BBX: variants seen among roughly 807,000 people sequenced by gnomAD.
BBX encodes HMG box transcription factor BBX.
A neutral mutation model predicts 100.2 loss-of-function variants in BBX; 30 were observed. The ratio of observed to expected loss-of-function variants is 0.30; its 90% CI spans 0.22 to 0.41. BBX has a LOEUF of 0.41. BBX is among the 10% of genes least tolerant of loss of function. The pLI is 1.00. For missense variants in BBX, 1,023 were observed against 1,129.8 expected (o/e 0.91, Z 1.35); for synonymous variants, 376 against 388.1 (o/e 0.97, Z 0.37).
intron 11 of BBX, among the ~76,000 whole-genome samples, 154 bp from the exon 12 acceptor site, chr3:107,774,565 C>A (rs557360832): frequency 1.3e-5 from 2 of 152,254 alleles, no homozygotes; most frequent in South Asian, 2.1e-4. Flanking sequence ...TAAAGATGGT[C>A]CAGCATGAAT....
intron 2 of BBX, among the ~76,000 whole-genome samples, chr3:107,606,578 A>G (rs1020537377): frequency 2.0e-5 from 3 of 152,172 alleles, no homozygotes; most frequent in Non-Finnish European, 2.9e-5. Context: ...CCTATTTTGT[A>G]GAATATTTTA....
At chr3:107,557,542 A>G (rs922949067) in intron 2 of BBX, among the ~76,000 whole-genome samples, 1 of 152,250 alleles carries the variant, frequency 6.6e-6, no homozygotes. Flanking sequence ...TCTATTTTAT[A>G]GTAAGGTCTT....
intron 2 of BBX, among the ~76,000 whole-genome samples, chr3:107,622,950 A>G (rs953413512): frequency 1.3e-5 from 2 of 152,142 alleles, no homozygotes; most frequent in African/African-American, 4.8e-5. Flanking sequence ...TTTGCCACCC[A>G]ATGGCCAGTT....
chr3:107,796,340 C>T (rs181234604), intron 15 of BBX, among the ~76,000 whole-genome samples: 28 of 152,294 alleles, frequency 1.8e-4, no homozygotes, highest in African/African-American at 6.7e-4. Flanking sequence ...TATGATACAC[C>T]TTTCCATCTT....
intron 2 of BBX, among the ~76,000 whole-genome samples, chr3:107,530,938 C>T (rs919105101): frequency 6.6e-6 from 1 of 152,196 alleles, no homozygotes; most frequent in Admixed American, 6.5e-5. Flanking sequence ...AAACACTGGC[C>T]TAGAGTGCCT....
intron 15 of BBX, 29 bp from the exon 16 acceptor site, chr3:107,798,494 A>G: frequency 6.2e-7 from 1 of 1,604,074 alleles, no homozygotes; most frequent in Non-Finnish European, 8.5e-7. Context: ...GTTTTTGTGC[A>G]TAACTATGCA....
intron 7 of BBX, 114 bp downstream of exon 7, chr3:107,733,137 CTT>C (rs2063414375): frequency 2.4e-6 from 2 of 844,106 alleles, no homozygotes; most frequent in Non-Finnish European, 1.8e-6. Context: ...CATGAACAAA[CTT>C]TATAATCTTT....
intron 13 of BBX, among the ~76,000 whole-genome samples, chr3:107,783,990 A>G (rs898947999): frequency 1.1e-4 from 16 of 152,080 alleles, no homozygotes; most frequent in African/African-American, 3.9e-4. Flanking sequence ...TAACAGCAAC[A>G]GCTGTAATTT....
At position 107,619,757 on chromosome 3, in the gene BBX, A is replaced by G. The variant is rs1447282362; in HGVS notation, c.-83-26079A>G. The stretch of plus-strand genomic sequence containing the variant: ...CAGTCCTTTTCTTTTAGCACTGCAG[A>G]ATGTGTCATTCCTTCTGACCTCTGT... On this transcript the variant is annotated intron_variant, in intron 2 of 17. Transcript: ENST00000325805. 2.0e-5 allele frequency among the ~76,000 whole-genome samples: 3 copies of G among 152,146 alleles called. No homozygotes were observed. In the East Asian group the frequency reaches 5.8e-4, roughly 29 times the overall value.
chr3:107,531,245 A>C (rs2048139675), intron 2 of BBX, among the ~76,000 whole-genome samples: 1 of 152,106 alleles, frequency 6.6e-6, no homozygotes, highest in Admixed American at 6.5e-5. Flanking sequence ...GGTCCTCATC[A>C]CCCTCTGTAG....
rs186514113 is a variant in BBX, at chr3:107,530,670, G to C, written c.-84+4272G>C. 5.2e-3 allele frequency among the ~76,000 whole-genome samples: 786 copies of C among 152,170 alleles called. 7 individuals carry two copies. The highest frequency in any genetic ancestry group is 0.018 in the African/African-American group (747 of 41,502). Reference sequence around the variant, plus strand: ...ATAACCTACTTTAGAGGAGAAATAAGAATGGGGTAAAAATTATTCAAAACA... The same window carrying C: ...ATAACCTACTTTAGAGGAGAAATAACAATGGGGTAAAAATTATTCAAAACA... On this transcript the variant is annotated intron_variant, in intron 2 of 17. Coordinates refer to ENST00000325805, the MANE Select transcript of BBX (RefSeq NM_001142568.3).
intron 2 of BBX, among the ~76,000 whole-genome samples, chr3:107,606,247 A>G (rs1460950080): frequency 6.6e-6 from 1 of 152,206 alleles, no homozygotes; most frequent in Non-Finnish European, 1.5e-5. Flanking sequence ...ATATGGTAAG[A>G]CCCACGGTCA....
intron 6 of BBX, among the ~76,000 whole-genome samples, chr3:107,729,890 A>C (rs1365350060): frequency 6.6e-6 from 1 of 152,112 alleles, no homozygotes; most frequent in Non-Finnish European, 1.5e-5. Context: ...CATACCATGT[A>C]AAGTATGTGG....
chr3:107,737,884 G>GTTTTTTTTTTTTTTTTTTTTTTTTT (rs1156396951), intron 7 of BBX, among the ~76,000 whole-genome samples: 2 of 48,894 alleles, frequency 4.1e-5, no homozygotes, highest in Admixed American at 2.6e-4. Flanking sequence ...CAGAGTTCCA[G>GTTTTTTTTTTTTTTTTTTTTTTTTT]TTTTTTTTTT....
intron 2 of BBX, among the ~76,000 whole-genome samples, chr3:107,561,361 A>G (rs898407240): frequency 6.6e-6 from 1 of 152,226 alleles, no homozygotes; most frequent in Admixed American, 6.5e-5. Context: ...GTTGAAAAAT[A>G]TATAGCAATT....
At chr3:107,771,817 T>C (rs1047087693) in intron 10 of BBX, among the ~76,000 whole-genome samples, 9 of 152,210 alleles carry the variant, frequency 5.9e-5, no homozygotes, top group Non-Finnish European at 1.0e-4. Context: ...GGTTATATCA[T>C]TTCTAATTTC....
chr3:107,536,826 G>A (rs986033609), intron 2 of BBX, among the ~76,000 whole-genome samples: 5 of 152,114 alleles, frequency 3.3e-5, no homozygotes, highest in Admixed American at 2.0e-4. Context: ...AAGCAAACAT[G>A]TTCTACTGGC....
chr3:107,798,484 G>A (rs368983654), intron 15 of BBX, 39 bp from the exon 16 acceptor site: 18 of 1,594,782 alleles, frequency 1.1e-5, no homozygotes, highest in Non-Finnish European at 1.5e-5. Flanking sequence ...GGTGCCTTCT[G>A]TTTTTGTGCA....
At chr3:107,692,890 C>G (rs1303545567) in intron 3 of BBX, among the ~76,000 whole-genome samples, 13 of 150,242 alleles carry the variant, frequency 8.7e-5, no homozygotes, top group Admixed American at 2.7e-4. Flanking sequence ...GATTGCCATT[C>G]TAACTGGTGT....
Sources: gnomAD v4.1 joint callset for allele counts (sites outside exome capture counted in the v4.1 genomes callset) on GRCh38, gnomAD v4.1.1 for gene constraint, MANE v1.5 for transcripts, NCBI Gene and HGNC (gene_info 2026-07-23, HGNC 2026-07-21) for gene names.